Variants in TGFBR3 observed in about 807,000 individuals in gnomAD.
TGFBR3 encodes the protein transforming growth factor beta receptor type 3.
In TGFBR3, 46 loss-of-function variants were observed where a neutral mutation model predicts 87.9. The observed-to-expected ratio is 0.52, with a 90% CI of 0.41 to 0.67. TGFBR3 has a LOEUF of 0.67. TGFBR3 is among the 30% of genes least tolerant of loss of function. The probability of loss-of-function intolerance (pLI) is 0.00; values close to 1 mark genes in which losing one functional copy is unlikely to be tolerated. For synonymous variants in TGFBR3, 381 were observed against 391.6 expected (o/e 0.97, Z 0.32); for missense variants, 866 against 1,041.9 (o/e 0.83, Z 2.32).
intron 5 of TGFBR3, 49 bp downstream of exon 5, chr1:91,734,727 C>T (rs1236270075): frequency 6.2e-7 from 1 of 1,603,590 alleles, no homozygotes; most frequent in Non-Finnish European, 8.5e-7. Flanking sequence ...GAAAAGAAAA[C>T]AATTGCCTGT....
At chr1:91,760,697 A>G (rs997957448) in intron 3 of TGFBR3, among the ~76,000 whole-genome samples, 13 of 152,362 alleles carry the variant, frequency 8.5e-5, no homozygotes, top group Admixed American at 5.2e-4. Flanking sequence ...AAATCAAAGT[A>G]CTAGATGAAC....
At chr1:91,691,175 G>A (rs537605840) in intron 16 of TGFBR3, among the ~76,000 whole-genome samples, 1 of 152,094 alleles carries the variant, frequency 6.6e-6, no homozygotes, top group East Asian at 1.9e-4. Context: ...TAAAGGACAA[G>A]AGGTTCAACT....
At chr1:91,685,796 A>G (rs1173118262) in intron 16 of TGFBR3, among the ~76,000 whole-genome samples, 1 of 152,110 alleles carries the variant, frequency 6.6e-6, no homozygotes, top group East Asian at 1.9e-4. Context: ...GAAGGGAATC[A>G]AATCTCTTAA....
chr1:91,742,825 T>C (rs960072961), intron 4 of TGFBR3, among the ~76,000 whole-genome samples: 1 of 152,196 alleles, frequency 6.6e-6, no homozygotes, highest in Non-Finnish European at 1.5e-5. Context: ...ACAACATTTG[T>C]ATTTGAAATT....
chr1:91,890,120 G>A, upstream of TGFBR3, among the ~76,000 whole-genome samples: 1 of 152,114 alleles, frequency 6.6e-6, no homozygotes, highest in East Asian at 1.9e-4. Context: ...TCATTTGTTT[G>A]GAATTGTTTC....
At chr1:91,820,807 T>G (rs894268069) in intron 2 of TGFBR3, among the ~76,000 whole-genome samples, 1 of 152,232 alleles carries the variant, frequency 6.6e-6, no homozygotes, top group African/African-American at 2.4e-5. Flanking sequence ...TCTTTTTGTA[T>G]GTAAAGAATG....
At chr1:91,716,188 A>G in intron 12 of TGFBR3, 48 bp downstream of exon 12, 1 of 1,611,630 alleles carries the variant, frequency 6.2e-7, no homozygotes, top group Non-Finnish European at 8.5e-7. Flanking sequence ...CTAAGGAACT[A>G]TAGCCCAGCA....
intron 14 of TGFBR3, among the ~76,000 whole-genome samples, chr1:91,705,911 AC>A (rs1341477018): frequency 1.3e-5 from 2 of 152,246 alleles, no homozygotes; most frequent in Admixed American, 1.3e-4. Context: ...AACTTTCAGT[AC>A]AATTATACTA....
chr1:91,801,343 A>T (rs890322276), intron 2 of TGFBR3, among the ~76,000 whole-genome samples: 4 of 152,120 alleles, frequency 2.6e-5, no homozygotes, highest in African/African-American at 9.7e-5. Flanking sequence ...CCTTGCAGTA[A>T]TCAGGGCAAG....
At chr1:91,797,532 G>A in intron 2 of TGFBR3, 61 bp from the exon 3 acceptor site, 2 of 1,602,252 alleles carry the variant, frequency 1.2e-6, no homozygotes, top group Non-Finnish European at 1.7e-6. Flanking sequence ...GCCCCAAAGG[G>A]GCAAGGGTGA....
chr1:91,771,002 C>T (rs1674358443), intron 3 of TGFBR3: 1 of 152,168 alleles, frequency 6.6e-6, no homozygotes, highest in Non-Finnish European at 1.5e-5. Flanking sequence ...GTTCCATAGG[C>T]CCCTCTAGCC....
intron 3 of TGFBR3, among the ~76,000 whole-genome samples, chr1:91,763,182 T>A (rs1674035898): frequency 6.6e-6 from 1 of 152,224 alleles, no homozygotes; most frequent in Non-Finnish European, 1.5e-5. Flanking sequence ...TTTCCCAAGA[T>A]TCATAATATA....
At chr1:91,809,017 T>C (rs1675935069) in intron 2 of TGFBR3, among the ~76,000 whole-genome samples, 1 of 152,218 alleles carries the variant, frequency 6.6e-6, no homozygotes, top group Non-Finnish European at 1.5e-5. Flanking sequence ...GATAGTACAC[T>C]TCTTTATTAA....
At chr1:91,811,948 T>A (rs561511909) in intron 2 of TGFBR3, among the ~76,000 whole-genome samples, 4 of 151,682 alleles carry the variant, frequency 2.6e-5, no homozygotes, top group Admixed American at 1.3e-4. Context: ...TTTTCAGAAA[T>A]CCGTGTGTGT....
At chr1:91,712,923 T>A (rs1672033828) in intron 12 of TGFBR3, among the ~76,000 whole-genome samples, 1 of 152,244 alleles carries the variant, frequency 6.6e-6, no homozygotes, top group African/African-American at 2.4e-5. Flanking sequence ...AATGTTTTAA[T>A]AGTACAACAC....
chr1:91,719,218 C>T, intron 10 of TGFBR3, 94 bp downstream of exon 10: 1 of 1,567,788 alleles, frequency 6.4e-7, no homozygotes, highest in Non-Finnish European at 8.8e-7. Flanking sequence ...GGTGAAAACC[C>T]TCTTCATCTT....
intron 4 of TGFBR3, among the ~76,000 whole-genome samples, chr1:91,755,443 C>T (rs189361621): frequency 1.6e-3 from 237 of 152,122 alleles, no homozygotes; most frequent in African/African-American, 5.4e-3. Flanking sequence ...AATGTGCAGA[C>T]GGGAAAAAAA....
intron 2 of TGFBR3, among the ~76,000 whole-genome samples, chr1:91,818,230 T>C (rs540240940): frequency 1.4e-5 from 2 of 147,524 alleles, no homozygotes; most frequent in Non-Finnish European, 3.0e-5. Context: ...TCTTTACTAT[T>C]AAAAAAAAAT....
At chr1:91,868,963 T>C (rs1678485085) in intron 1 of TGFBR3, among the ~76,000 whole-genome samples, 1 of 152,110 alleles carries the variant, frequency 6.6e-6, no homozygotes. Context: ...GTCTAGTTAG[T>C]CCAAGCTCAT....
Sources: gnomAD v4.1 joint callset for allele counts (sites outside exome capture counted in the v4.1 genomes callset) on GRCh38, gnomAD v4.1.1 for gene constraint, MANE v1.5 for transcripts, NCBI Gene and HGNC (gene_info 2026-07-23, HGNC 2026-07-21) for gene names.